Variants in COX7B2 observed in about 807,000 individuals in gnomAD.
COX7B2 encodes the protein cytochrome c oxidase subunit 7B2, mitochondrial.
For missense variants in COX7B2, 109 were observed against 95.9 expected, an observed-to-expected ratio of 1.14 and a Z score of -0.57; for synonymous variants, 37 against 32.1, an observed-to-expected ratio of 1.15 and a Z score of -0.51.
chr4:46,821,935 C>T (rs867816272), intron 2 of COX7B2, among the ~76,000 whole-genome samples: 7 of 151,974 alleles, frequency 4.6e-5, no homozygotes, highest in East Asian at 1.9e-4. Context: ...TGTTTTGAGA[C>T]GGAGTCTCAC....
At chr4:46,745,661 A>C (rs1714980244) in intron 2 of COX7B2, among the ~76,000 whole-genome samples, 1 of 152,194 alleles carries the variant, frequency 6.6e-6, no homozygotes, top group South Asian at 2.1e-4. Context: ...ACAGTGAGAC[A>C]GGATGCACTT....
chr4:46,742,426 G>C (rs1419227725), intron 2 of COX7B2, among the ~76,000 whole-genome samples: 6 of 152,206 alleles, frequency 3.9e-5, no homozygotes, highest in Admixed American at 1.3e-4. Flanking sequence ...GCTCAAGTAG[G>C]GATTAAGTGT....
At chr4:46,810,930 T>C (rs1225949407) in intron 2 of COX7B2, among the ~76,000 whole-genome samples, 6 of 152,186 alleles carry the variant, frequency 3.9e-5, no homozygotes, top group South Asian at 2.1e-4. Flanking sequence ...TCTTGGCTGA[T>C]AGATTTATTT....
At chr4:46,883,973 G>T (rs1718909618) in intron 1 of COX7B2, among the ~76,000 whole-genome samples, 3 of 152,094 alleles carry the variant, frequency 2.0e-5, no homozygotes, top group Non-Finnish European at 2.9e-5. Context: ...TCAGTGTTAT[G>T]CAGTAAAAAT....
chr4:46,744,758 T>TTTTTTG (rs1421700660), intron 2 of COX7B2, among the ~76,000 whole-genome samples: 1 of 149,032 alleles, frequency 6.7e-6, no homozygotes. Flanking sequence ...TTTTTTTTTT[T>TTTTTTG]GGGAGACGGA....
chr4:46,894,267 T>C (rs1719618166), intron 1 of COX7B2, among the ~76,000 whole-genome samples: 2 of 152,210 alleles, frequency 1.3e-5, no homozygotes, highest in South Asian at 4.1e-4. Flanking sequence ...TCAATACCCA[T>C]ATTACAGGGC....
chr4:46,872,353 GA>G (rs1308338546), intron 1 of COX7B2, among the ~76,000 whole-genome samples: 1 of 152,040 alleles, frequency 6.6e-6, no homozygotes, highest in Admixed American at 6.5e-5. Flanking sequence ...GAAAGGAGCA[GA>G]AAACGTAACT....
intron 2 of COX7B2, among the ~76,000 whole-genome samples, chr4:46,822,768 AG>A (rs949363396): frequency 5.9e-5 from 9 of 152,218 alleles, no homozygotes; most frequent in Admixed American, 4.6e-4. Context: ...AGATAAGAAA[AG>A]GGTTCATGAA....
chr4:46,741,590 G>T (rs1174353403), intron 2 of COX7B2, among the ~76,000 whole-genome samples: 2 of 151,838 alleles, frequency 1.3e-5, no homozygotes, highest in Admixed American at 1.3e-4. Context: ...AAATTATCCT[G>T]GTCCCTACCA....
At chr4:46,819,535 G>A (rs1163586057) in intron 2 of COX7B2, among the ~76,000 whole-genome samples, 2 of 134,650 alleles carry the variant, frequency 1.5e-5, no homozygotes, top group Non-Finnish European at 1.5e-5. Flanking sequence ...GATAGCTGAT[G>A]AGCTAAAAAA....
At chr4:46,907,671 A>G (rs943608489) in intron 1 of COX7B2, among the ~76,000 whole-genome samples, 3 of 152,038 alleles carry the variant, frequency 2.0e-5, no homozygotes, top group African/African-American at 7.2e-5. Context: ...ATCAAAAGTT[A>G]TGACCAGAGT....
At chr4:46,867,751 T>C (rs1281631454) in intron 1 of COX7B2, among the ~76,000 whole-genome samples, 2 of 152,208 alleles carry the variant, frequency 1.3e-5, no homozygotes, top group Non-Finnish European at 2.9e-5. Flanking sequence ...TTTTAGCTTT[T>C]CGATAGGCTG....
chr4:46,886,829 T>C (rs556721412), intron 1 of COX7B2, among the ~76,000 whole-genome samples: 10 of 152,282 alleles, frequency 6.6e-5, no homozygotes, highest in African/African-American at 2.4e-4. Context: ...AAACCATTAG[T>C]TCAATATGCA....
intron 1 of COX7B2, among the ~76,000 whole-genome samples, chr4:46,850,469 C>T (rs1319703230): frequency 1.3e-5 from 2 of 151,984 alleles, no homozygotes; most frequent in Non-Finnish European, 2.9e-5. Context: ...CTTGTACTTT[C>T]AAAGTGCACA....
chr4:46,779,555 G>C (rs551129938), intron 2 of COX7B2, among the ~76,000 whole-genome samples: 1 of 152,254 alleles, frequency 6.6e-6, no homozygotes, highest in South Asian at 2.1e-4. Context: ...AAGAGAGATT[G>C]CTGGGTTATA....
intron 2 of COX7B2, among the ~76,000 whole-genome samples, chr4:46,741,894 G>GT (rs1560345242): frequency 6.6e-6 from 1 of 152,094 alleles, no homozygotes; most frequent in Non-Finnish European, 1.5e-5. Flanking sequence ...TCTCAGGAGA[G>GT]TTTTATCATC....
intron 1 of COX7B2, among the ~76,000 whole-genome samples, chr4:46,861,374 A>G (rs908214568): frequency 1.3e-5 from 2 of 152,192 alleles, no homozygotes; most frequent in African/African-American, 4.8e-5. Flanking sequence ...GTGGGAATGC[A>G]AAAGAGAAAA....
chr4:46,738,033 T>C (rs1344021101), intron 2 of COX7B2, among the ~76,000 whole-genome samples: 2 of 152,152 alleles, frequency 1.3e-5, no homozygotes, highest in African/African-American at 4.8e-5. Flanking sequence ...AAGGTTTTCA[T>C]TTGAATTGAA....
At chr4:46,758,483 A>G (rs1279535797) in intron 2 of COX7B2, among the ~76,000 whole-genome samples, 2 of 152,172 alleles carry the variant, frequency 1.3e-5, no homozygotes, top group Non-Finnish European at 2.9e-5. Flanking sequence ...AAAATTTCAT[A>G]TATTTCCATC....
Sources: allele counts gnomAD v4.1 joint callset (sites outside exome capture counted in the v4.1 genomes callset), GRCh38; gene constraint gnomAD v4.1.1; transcripts MANE v1.5; gene names NCBI Gene and HGNC (gene_info 2026-07-23, HGNC 2026-07-21).